The following SLC9C1 variants were observed in gnomAD, a reference collection of about 807,000 sequenced individuals.
SLC9C1 encodes the protein solute carrier family 9 member C1.
In SLC9C1, 97 loss-of-function variants were observed where a neutral mutation model predicts 140.9. That is an observed-to-expected ratio of 0.69 (90% CI 0.58 to 0.82). SLC9C1 has a LOEUF of 0.82. Ranked by LOEUF, SLC9C1 falls within the 40% of genes least tolerant of loss-of-function variation. The pLI is 0.00. For synonymous variants in SLC9C1, 440 were observed against 442.6 expected, an observed-to-expected ratio of 0.99 and a Z score of 0.07; for missense variants, 1,340 against 1,389.3, an observed-to-expected ratio of 0.96 and a Z score of 0.56.
chr3:112,244,728 C>A (rs893322653), intron 10 of SLC9C1, among the ~76,000 whole-genome samples: 4 of 152,182 alleles, frequency 2.6e-5, no homozygotes, highest in Non-Finnish European at 5.9e-5. Flanking sequence ...GGAATTCCAA[C>A]TTCCAGAATT....
At chr3:112,233,074 T>A (rs7641775) in intron 12 of SLC9C1, among the ~76,000 whole-genome samples, 93,495 of 125,774 alleles carry the variant, frequency 0.74, 31,212 homozygotes, top group Middle Eastern at 0.79. Context: ...TATATTATAT[T>A]TTTTTTTTTT....
intron 10 of SLC9C1, among the ~76,000 whole-genome samples, chr3:112,255,740 C>T (rs1055714960): frequency 2.6e-5 from 4 of 151,828 alleles, no homozygotes; most frequent in Non-Finnish European, 5.9e-5. Context: ...AGAGCTGAAC[C>T]GAGGAGATCA....
At chr3:112,245,082 ATAAG>A (rs1446647014) in intron 10 of SLC9C1, among the ~76,000 whole-genome samples, 1 of 152,202 alleles carries the variant, frequency 6.6e-6, no homozygotes, top group African/African-American at 2.4e-5. Context: ...CTCCTTCCTA[ATAAG>A]TCATTCACCA....
intron 10 of SLC9C1, among the ~76,000 whole-genome samples, chr3:112,252,190 C>G (rs1454074117): frequency 6.6e-6 from 1 of 151,516 alleles, no homozygotes; most frequent in African/African-American, 2.4e-5. Context: ...CCTTTGAGCT[C>G]TAGGGATTCT....
At chr3:112,175,581 C>T (rs979752917) in intron 23 of SLC9C1, among the ~76,000 whole-genome samples, 1 of 152,228 alleles carries the variant, frequency 6.6e-6, no homozygotes, top group Non-Finnish European at 1.5e-5. Context: ...TGGTGGTCCA[C>T]CCTCCCTCTG....
At chr3:112,178,918 A>G (rs1297658659) in intron 23 of SLC9C1, among the ~76,000 whole-genome samples, 1 of 152,242 alleles carries the variant, frequency 6.6e-6, no homozygotes, top group South Asian at 2.1e-4. Flanking sequence ...AGTTCATAGA[A>G]GAAAGGCAAG....
intron 16 of SLC9C1, 123 bp from the exon 17 acceptor site, chr3:112,204,526 C>A: frequency 2.1e-6 from 2 of 967,646 alleles, no homozygotes; most frequent in East Asian, 3.0e-5. Context: ...ATGAAATATC[C>A]TCAGGAAACC....
At chr3:112,229,665 TA>T (rs1369984527) in intron 13 of SLC9C1, among the ~76,000 whole-genome samples, 3 of 151,994 alleles carry the variant, frequency 2.0e-5, no homozygotes, top group Non-Finnish European at 4.4e-5. Context: ...TTAGTGGCAA[TA>T]GGGGTGGGGA....
intron 10 of SLC9C1, among the ~76,000 whole-genome samples, chr3:112,253,574 T>C (rs1220888820): frequency 1.3e-5 from 2 of 152,154 alleles, no homozygotes; most frequent in African/African-American, 2.4e-5. Context: ...AAATAAAGAC[T>C]CTGCAGAAAG....
At position 112,180,676 on chromosome 3, in the gene SLC9C1, C is replaced by T. The variant is rs1659218114; in HGVS notation, c.2650-14G>A. On this transcript the variant is annotated splice_polypyrimidine_tract_variant and intron_variant, in intron 21 of 28. Coordinates refer to ENST00000305815, the MANE Select transcript of SLC9C1 (RefSeq NM_183061.3). ...TTTGGCTTTTTCCTAAAAGATACCA[C>T]CAAATACATAAACTATAAACAACAT... is the stretch of plus-strand genomic sequence containing the variant. 3 of 1,565,668 alleles carry T rather than the reference C, an allele frequency of 1.9e-6. No homozygotes were observed. Among genetic ancestry groups the T allele is most frequent in the Admixed American group, 1.7e-5 (1 of 57,694 alleles).
chr3:112,219,577 T>G (rs1260661953), intron 14 of SLC9C1, among the ~76,000 whole-genome samples: 2 of 152,062 alleles, frequency 1.3e-5, no homozygotes, highest in African/African-American at 4.8e-5. Flanking sequence ...CTATGTTGTT[T>G]TATTTTTATT....
intron 3 of SLC9C1, 143 bp from the exon 4 acceptor site, chr3:112,279,000 TTCTAGAAAC>T (rs1018045195): frequency 2.5e-5 from 18 of 719,206 alleles, no homozygotes; most frequent in Non-Finnish European, 3.6e-5. Context: ...TCGTATCAAA[TTCTAGAAAC>T]TACAAATAAT....
intron 28 of SLC9C1, among the ~76,000 whole-genome samples, chr3:112,145,321 T>C (rs1239754350): frequency 6.6e-6 from 1 of 152,214 alleles, no homozygotes; most frequent in South Asian, 2.1e-4. Flanking sequence ...TTGATCGTGG[T>C]ATATTAACTT....
At chr3:112,142,675 A>G (rs866710399) in intron 28 of SLC9C1, among the ~76,000 whole-genome samples, 32 of 152,232 alleles carry the variant, frequency 2.1e-4, no homozygotes, top group African/African-American at 7.2e-4. Context: ...AAAAAAGAGA[A>G]TATCTTCTGA....
At chr3:112,210,878 T>A (rs1180509940) in intron 15 of SLC9C1, among the ~76,000 whole-genome samples, 4 of 152,126 alleles carry the variant, frequency 2.6e-5, no homozygotes. Context: ...TTTATTTTTT[T>A]TAAAAATAAA....
intron 12 of SLC9C1, among the ~76,000 whole-genome samples, chr3:112,238,520 G>A (rs1358326640): frequency 6.6e-6 from 1 of 152,214 alleles, no homozygotes; most frequent in East Asian, 1.9e-4. Flanking sequence ...TCCTTTGGAG[G>A]AGGAGAGGTG....
In SLC9C1 at chr3:112,172,808, TTC is replaced by T. The variant is rs1216736994; in HGVS notation, c.2920-3482_2920-3481del. ...TCTACTTGAATATCTTATATAAATT[TTC>T]TGTTTTTTTCTTATAATGTGTTGAA... is the stretch of plus-strand genomic sequence containing the variant. On this transcript the variant is annotated intron_variant, in intron 23 of 28. Coordinates refer to ENST00000305815, the MANE Select transcript of SLC9C1 (RefSeq NM_183061.3). 3.3e-5 allele frequency among the ~76,000 whole-genome samples: 5 copies of T among 152,246 alleles called. No homozygotes were observed. In the East Asian group the frequency reaches 5.8e-4, roughly 18 times the overall value.
At chr3:112,289,633 G>A (rs563111222) in intron 1 of SLC9C1, among the ~76,000 whole-genome samples, 5 of 152,282 alleles carry the variant, frequency 3.3e-5, no homozygotes, top group Admixed American at 2.6e-4. Context: ...CAACATTGGC[G>A]CAGCTGTGAG....
chr3:112,204,597 T>A (rs2077994677), intron 16 of SLC9C1, among the ~76,000 whole-genome samples, 194 bp from the exon 17 acceptor site: 2 of 152,028 alleles, frequency 1.3e-5, no homozygotes, highest in Non-Finnish European at 2.9e-5. Context: ...CCTAGAACTA[T>A]TAATTTAGGA....
Sources: allele counts gnomAD v4.1 joint callset (sites outside exome capture counted in the v4.1 genomes callset), GRCh38; gene constraint gnomAD v4.1.1; transcripts MANE v1.5; gene names NCBI Gene and HGNC (gene_info 2026-07-23, HGNC 2026-07-21).